SLC35F3: variants seen among roughly 807,000 people sequenced by gnomAD.
SLC35F3 encodes solute carrier family 35 member F3, also known as putative thiamine transporter SLC35F3.
Under a neutral mutation model 49.9 loss-of-function variants are expected in SLC35F3, and 25 were observed. The observed-to-expected ratio is 0.50, with a 90% CI of 0.37 to 0.70. The LOEUF (loss-of-function observed/expected upper bound fraction) is 0.70, where lower values mean the gene tolerates loss of function less well. Among genes scored for constraint, SLC35F3 ranks in the 30% least tolerant of loss-of-function variants. The probability of loss-of-function intolerance (pLI) is 0.00; values close to 1 mark genes in which losing one functional copy is unlikely to be tolerated. For synonymous variants in SLC35F3, 275 were observed against 265.4 expected (o/e 1.04, Z -0.35); for missense variants, 525 against 639.8 (o/e 0.82, Z 1.94).
chr1:234,026,601 A>T lies in SLC35F3; in HGVS notation c.283+120843A>T, dbSNP rs570543674. Among the ~76,000 whole-genome samples, 5 of 152,318 alleles carry T rather than the reference A, an allele frequency of 3.3e-5. No homozygotes were observed. In the East Asian group the frequency reaches 9.7e-4, roughly 29 times the overall value. ...AAATAAGCGTTTAAGAAGGCTTGTT[A>T]GCCAGGTGTGGTGGCTTACACCTAT... On this transcript the variant is annotated intron_variant, in intron 2 of 7. Coordinates refer to ENST00000366618, the MANE Select transcript of SLC35F3 (RefSeq NM_173508.4).
intron 2 of SLC35F3, among the ~76,000 whole-genome samples, chr1:233,906,790 A>G (rs1661785118): frequency 6.6e-6 from 1 of 152,222 alleles, no homozygotes; most frequent in Non-Finnish European, 1.5e-5. Context: ...GATTATTCCT[A>G]AAACCTGCGA....
At chr1:234,135,284 C>T (rs1485280766) in intron 2 of SLC35F3, among the ~76,000 whole-genome samples, 1 of 152,128 alleles carries the variant, frequency 6.6e-6, no homozygotes, top group African/African-American at 2.4e-5. Flanking sequence ...CCCCATTTAC[C>T]ATGATGTGAC....
intron 2 of SLC35F3, among the ~76,000 whole-genome samples, chr1:233,982,983 A>G (rs1001442501): frequency 1.3e-5 from 2 of 152,206 alleles, no homozygotes; most frequent in African/African-American, 4.8e-5. Context: ...GGATATGACC[A>G]GGAGCAGGCG....
At chr1:234,273,753 A>G (rs940818659) in intron 3 of SLC35F3, among the ~76,000 whole-genome samples, 5 of 152,056 alleles carry the variant, frequency 3.3e-5, no homozygotes, top group African/African-American at 1.2e-4. Context: ...AGAAATGGGG[A>G]CTTGATGGAG....
chr1:233,942,157 T>G (rs1233927003), intron 2 of SLC35F3, among the ~76,000 whole-genome samples: 1 of 151,902 alleles, frequency 6.6e-6, no homozygotes, highest in Non-Finnish European at 1.5e-5. Flanking sequence ...GAGACGGGGT[T>G]TCACTATGTT....
At chr1:234,063,293 C>T (rs778694619) in intron 2 of SLC35F3, among the ~76,000 whole-genome samples, 10 of 152,084 alleles carry the variant, frequency 6.6e-5, no homozygotes, top group Non-Finnish European at 1.2e-4. Context: ...ACAAAAATTT[C>T]CAGAGCTTAT....
intron 2 of SLC35F3, among the ~76,000 whole-genome samples, chr1:234,014,433 T>C (rs1012130163): frequency 6.6e-6 from 1 of 152,198 alleles, no homozygotes; most frequent in Non-Finnish European, 1.5e-5. Flanking sequence ...ATGCCCACTC[T>C]AACCGCTTCT....
chr1:234,170,779 A>C (rs1270312186), intron 2 of SLC35F3, among the ~76,000 whole-genome samples: 1 of 152,228 alleles, frequency 6.6e-6, no homozygotes, highest in Non-Finnish European at 1.5e-5. Flanking sequence ...GGAGCGTTCA[A>C]GGAAGAACAT....
intron 2 of SLC35F3, among the ~76,000 whole-genome samples, chr1:234,095,954 C>T (rs1487989726): frequency 6.6e-6 from 1 of 152,180 alleles, no homozygotes; most frequent in Non-Finnish European, 1.5e-5. Flanking sequence ...TGCAATGGGA[C>T]ATTTTCTATT....
At chr1:234,246,027 G>A (rs557558878) in intron 3 of SLC35F3, among the ~76,000 whole-genome samples, 22 of 152,286 alleles carry the variant, frequency 1.4e-4, no homozygotes, top group Middle Eastern at 3.4e-3. Context: ...AGATCATCTC[G>A]GGGAAGAGTA....
intron 2 of SLC35F3, among the ~76,000 whole-genome samples, chr1:234,140,650 G>A (rs529418757): frequency 2.0e-5 from 3 of 151,130 alleles, no homozygotes; most frequent in Admixed American, 6.6e-5. Flanking sequence ...GTTCAGAAAC[G>A]GCAGACGAAC....
intron 2 of SLC35F3, among the ~76,000 whole-genome samples, chr1:234,129,238 C>T (rs528309648): frequency 1.8e-4 from 27 of 152,298 alleles, no homozygotes; most frequent in African/African-American, 6.3e-4. Context: ...TGAGAAGGTG[C>T]TCGACCTCAT....
chr1:233,905,092 G>C lies in SLC35F3; in HGVS notation c.15G>C (p.Glu5Asp), dbSNP rs1661749220. The C allele has an allele frequency of 1.9e-6, 3 of 1,564,316 alleles. No individual in the cohort carries two copies. Among genetic ancestry groups the C allele is most frequent in the Non-Finnish European group, 2.6e-6 (3 of 1,153,126 alleles). Residue 5 changes from glutamate to aspartate, a missense_variant, in exon 1 of 8, where the codon GAG (glutamate) becomes GAC (aspartate). By Grantham distance (45) the Glu-to-Asp change is conservative. Transcript: ENST00000366618. MGIR[E>D]FPSGAPRGKS... ...TGTCTTTGCCTATGGGGATTCGAGA[G>C]TTTCCCAGCGGCGCACCCAGGGGCA...
chr1:234,252,936 G>A (rs192227536), intron 3 of SLC35F3, among the ~76,000 whole-genome samples: 48 of 152,296 alleles, frequency 3.2e-4, no homozygotes, highest in African/African-American at 1.1e-3. Flanking sequence ...TATCATTACA[G>A]CATTGTTTGT....
chr1:234,309,715 A>G (rs1007304012), intron 4 of SLC35F3, among the ~76,000 whole-genome samples: 3 of 152,194 alleles, frequency 2.0e-5, no homozygotes, highest in Admixed American at 6.5e-5. Context: ...GCTTTCTGCT[A>G]ACACTGCCAC....
intron 2 of SLC35F3, among the ~76,000 whole-genome samples, chr1:234,088,521 G>A (rs1349346116): frequency 2.0e-5 from 3 of 152,066 alleles, no homozygotes; most frequent in Non-Finnish European, 4.4e-5. Context: ...AAACAGTTTT[G>A]AATCAATGAA....
chr1:234,000,917 G>C lies in SLC35F3; in HGVS notation c.283+95159G>C, dbSNP rs528632971. On this transcript the variant is annotated intron_variant, in intron 2 of 7. Coordinates refer to ENST00000366618, the MANE Select transcript of SLC35F3 (RefSeq NM_173508.4). ...GGAGGATGGCTGCCACTGTTTGACA[G>C]TGACAATGACATTCTCCTCAAGGGC... is the stretch of plus-strand genomic sequence containing the variant. Among the ~76,000 whole-genome samples, 32 of 152,308 alleles carry C rather than the reference G, an allele frequency of 2.1e-4. 1 individual carries two copies. In the East Asian group the frequency reaches 5.4e-3, roughly 26 times the overall value.
chr1:234,014,196 A>G (rs995245164), intron 2 of SLC35F3, among the ~76,000 whole-genome samples: 1 of 152,250 alleles, frequency 6.6e-6, no homozygotes, highest in Non-Finnish European at 1.5e-5. Context: ...ACACAAATCC[A>G]TAAATGTGAT....
intron 2 of SLC35F3, among the ~76,000 whole-genome samples, chr1:234,028,174 T>A (rs1311077315): frequency 2.6e-5 from 4 of 151,898 alleles, no homozygotes; most frequent in African/African-American, 9.7e-5. Context: ...AAGCAGAGGG[T>A]CTTGGTCAAG....
Sources: allele counts gnomAD v4.1 joint callset (sites outside exome capture counted in the v4.1 genomes callset), GRCh38; gene constraint gnomAD v4.1.1; transcripts MANE v1.5; gene names NCBI Gene and HGNC (gene_info 2026-07-23, HGNC 2026-07-21).